Variants in CSF3R observed in about 807,000 individuals in gnomAD.
The protein encoded by CSF3R is granulocyte colony-stimulating factor receptor.
Under a neutral mutation model 84.4 loss-of-function variants are expected in CSF3R, and 52 were observed. The observed-to-expected ratio is 0.62, with a 90% CI of 0.49 to 0.78. The LOEUF is 0.78. Ranked by LOEUF, CSF3R falls within the 30% of genes least tolerant of loss-of-function variation. The pLI is 0.00. For synonymous variants in CSF3R, 384 were observed against 429.1 expected (o/e 0.89, Z 1.30); for missense variants, 890 against 1,055.7 (o/e 0.84, Z 2.17).
At chr1:36,478,412 C>T (rs972845051) in intron 3 of CSF3R, among the ~76,000 whole-genome samples, 2 of 151,742 alleles carry the variant, frequency 1.3e-5, no homozygotes, top group Admixed American at 1.3e-4. Flanking sequence ...GCCTGTAATC[C>T]CAGCTATTCG....
Position 36,471,540 on chromosome 1 carries a change from A to T in CSF3R, c.1178T>A (p.Leu393His). 1 of 1,614,230 alleles carries T rather than the reference A, an allele frequency of 6.2e-7. No homozygotes were observed. The highest frequency in any genetic ancestry group is 8.5e-7 in the Non-Finnish European group (1 of 1,180,042). ...AILPLCNTTE[L>H]SCTFHLPSEA... Reference sequence around the variant, plus strand: ...TGAAGGCAGGTGGAAGGTGCAGCTGAGCTCTGTGGTGTTGCAGAGGGGCAG... The same window carrying T: ...TGAAGGCAGGTGGAAGGTGCAGCTGTGCTCTGTGGTGTTGCAGAGGGGCAG... The change falls in exon 10 of 17, where the codon CTC (leucine) becomes CAC (histidine). Residue 393 changes from leucine to histidine, a missense_variant. Physicochemically the swap from Leu to His is moderately conservative, Grantham distance 99. Coordinates refer to ENST00000373106, the MANE Select transcript of CSF3R (RefSeq NM_000760.4).
chr1:36,472,785 C>T lies in CSF3R; in HGVS notation c.674-99G>A. On this transcript the variant is annotated intron_variant, in intron 6 of 16. Transcript: ENST00000373106. The surrounding 1 kb of genome is among the most constrained non-coding windows in gnomAD (Gnocchi z 5.0). ...CCCTGTCTGTGGTTCACCATCTGTC[C>T]ACGTTGCCAATGACACGTTTCTGTG... The T allele has an allele frequency of 7.3e-7, 1 of 1,371,746 alleles. No homozygotes were observed. The highest frequency in any genetic ancestry group is 2.9e-5 in the Admixed American group (1 of 35,082). 85.0% of individuals were successfully genotyped at this position (1,371,746 alleles called of 1,614,324 possible).
intron 2 of CSF3R, among the ~76,000 whole-genome samples, chr1:36,481,263 A>G (rs3917918): frequency 0.021 from 3,209 of 152,166 alleles, 102 homozygotes; most frequent in African/African-American, 0.072. Context: ...TAACCCCAAG[A>G]GGCCCCGGCA....
In CSF3R at chr1:36,473,579, A is replaced by C. The variant is rs774533177; in HGVS notation, c.529T>G (p.Cys177Gly). 1 of 1,614,170 alleles carries C rather than the reference A, an allele frequency of 6.2e-7. No homozygotes were observed. The highest frequency in any genetic ancestry group is 8.5e-7 in the Non-Finnish European group (1 of 1,180,052). ...CQTQGDSILD[C>G]VPKDGQSHCC... ...TGGCTCTGCCCGTCCTTGGGCACGC[A>C]GTCCAGGATGGAGTCCCCTTGGGTC... Residue 177 changes from cysteine (C) to glycine (G), a missense_variant, in exon 6 of 17, where the codon TGC becomes GGC. Cys to Gly is a radical substitution (Grantham distance 159, BLOSUM62 -3). Coordinates refer to ENST00000373106, the MANE Select transcript of CSF3R (RefSeq NM_000760.4).
chr1:36,481,639 G>C (rs1354590691), intron 1 of CSF3R, 102 bp from the exon 2 acceptor site: 1 of 152,310 alleles, frequency 6.6e-6, no homozygotes, highest in Non-Finnish European at 1.5e-5. Flanking sequence ...CTTGCATGGA[G>C]TTGGCACTCA....
At position 36,473,255 on chromosome 1, in the gene CSF3R, G is replaced by C; in HGVS notation, c.673+180C>G. ...GCCTCTGTGTCTCTTCCTGTCTCTG[G>C]GTCTGTGTCCCCATTTCTCTGTCTC... On this transcript the variant is annotated intron_variant, in intron 6 of 16. Coordinates refer to ENST00000373106, the MANE Select transcript of CSF3R (RefSeq NM_000760.4). 3 of 661,440 alleles carry C rather than the reference G, an allele frequency of 4.5e-6. No homozygotes were observed. In the South Asian group the frequency reaches 5.7e-5, roughly 13 times the overall value. 41.0% of individuals were successfully genotyped at this position (661,440 alleles called of 1,614,324 possible).
chr1:36,481,821 T>G (rs1440087545), intron 1 of CSF3R: 1 of 152,850 alleles, frequency 6.5e-6, no homozygotes, highest in Non-Finnish European at 1.5e-5. Context: ...CAAAGCCCCC[T>G]TTCTGGATCC....
intron 4 of CSF3R, among the ~76,000 whole-genome samples, chr1:36,474,313 C>G (rs1413249725): frequency 6.6e-6 from 1 of 151,824 alleles, no homozygotes; most frequent in East Asian, 1.9e-4. Context: ...AAATGACTCA[C>G]TCTACATGAA....
Position 36,466,058 on chromosome 1 carries a change from C to A in CSF3R, c.*299G>T. Reference sequence around the variant, plus strand: ...GAGACTCAGGTACACCCAAGAGTGTCTATAAACAACAACAAAAACTGCAAA... The same window carrying A: ...GAGACTCAGGTACACCCAAGAGTGTATATAAACAACAACAAAAACTGCAAA... On this transcript the variant is annotated 3_prime_UTR_variant, in exon 17 of 17. Transcript: ENST00000373106. This position sits in a 1 kb window ranked among gnomAD's most constrained non-coding sequence, Gnocchi z 4.6. The A allele has an allele frequency of 6.2e-7, 1 of 1,613,802 alleles. No individual in the cohort carries two copies. The highest frequency in any genetic ancestry group is 1.6e-4 in the Middle Eastern group (1 of 6,062).
At chr1:36,478,952 T>C in intron 3 of CSF3R, 1 of 269,522 alleles carries the variant, frequency 3.7e-6, no homozygotes, top group South Asian at 4.1e-5. Context: ...TGCCAACCCC[T>C]GCTGCACAGC....
intron 3 of CSF3R, chr1:36,475,936 G>A: frequency 2.3e-6 from 1 of 437,842 alleles, no homozygotes; most frequent in Non-Finnish European, 4.1e-6. Context: ...CCTTTCCGCG[G>A]TGTAAGTGCT....
Position 36,472,215 on chromosome 1 carries a change from C to T in CSF3R, c.997+23G>A. The T allele has an allele frequency of 6.2e-7, 1 of 1,614,114 alleles. No individual in the cohort carries two copies. The highest frequency in any genetic ancestry group is 8.5e-7 in the Non-Finnish European group (1 of 1,180,004). ...CTGGACTGGATACTGTTGGCTGCTCCCAGCCTCTCATCACCTCCTTACCCC... is the reference window on the plus strand; with the variant it reads ...CTGGACTGGATACTGTTGGCTGCTCTCAGCCTCTCATCACCTCCTTACCCC... On this transcript the variant is annotated intron_variant, in intron 8 of 16. Coordinates refer to ENST00000373106, the MANE Select transcript of CSF3R (RefSeq NM_000760.4). This position sits in a 1 kb window ranked among gnomAD's most constrained non-coding sequence, Gnocchi z 5.0.
intron 3 of CSF3R, among the ~76,000 whole-genome samples, chr1:36,478,016 C>A (rs1018821618): frequency 1.3e-5 from 2 of 152,014 alleles, no homozygotes; most frequent in African/African-American, 4.8e-5. Context: ...CCTAGGCCTC[C>A]CAAAGTGCTG....
At chr1:36,470,431 C>T (rs1213021651) in intron 10 of CSF3R, among the ~76,000 whole-genome samples, 6 of 152,090 alleles carry the variant, frequency 3.9e-5, no homozygotes, top group African/African-American at 1.2e-4. Context: ...ATGATCCGCC[C>T]GCCTCAGCCT....
intron 3 of CSF3R, chr1:36,479,133 G>C (rs977987397): frequency 1.6e-4 from 73 of 458,168 alleles, no homozygotes; most frequent in African/African-American, 8.9e-4. Context: ...GCCCACCAAG[G>C]CTGCATAGGA....
At chr1:36,473,978 G>C (rs1442527207) in intron 4 of CSF3R, 91 bp from the exon 5 acceptor site, 4 of 1,586,858 alleles carry the variant, frequency 2.5e-6, no homozygotes, top group Non-Finnish European at 3.5e-6. Flanking sequence ...CCTTGCCCTG[G>C]CTTGGTTCCT....
intron 4 of CSF3R, 91 bp downstream of exon 4, chr1:36,475,286 C>T (rs541778787): frequency 2.9e-5 from 44 of 1,505,616 alleles, no homozygotes; most frequent in East Asian, 6.8e-5. Context: ...GGAATACAGG[C>T]GTGAGCCAAC....
rs781175282 is a variant in CSF3R, at chr1:36,467,315, G to C, written c.1959-4C>G. 6.2e-7 allele frequency: 1 copy of C among 1,614,138 alleles called. No individual in the cohort carries two copies. The highest frequency in any genetic ancestry group is 1.7e-5 in the Admixed American group (1 of 60,028). On this transcript the variant is annotated splice_region_variant and splice_polypyrimidine_tract_variant and intron_variant, in intron 15 of 16. Transcript: ENST00000373106. This position sits in a 1 kb window ranked among gnomAD's most constrained non-coding sequence, Gnocchi z 4.1. ...TGGCCAGAGGGGATTCTTCCTGCTG[G>C]AGAAGGGGGCAGGTGGAGGCTGAGT...
rs750132507 is a variant in CSF3R at position 36,475,426 on chromosome 1, G to A, written c.312C>T (p.Asn104=). The change falls in exon 4 of 17, where the codon AAC becomes AAT. Residue 104 remains asparagine (N), a synonymous_variant. Transcript: ENST00000373106. Reference sequence around the variant, plus strand: ...CCAGGATCTGCAGGCTGTTGCCCCAGTTCAGGCAGCAGGAGAGAAAGGCCT... The same window carrying A: ...CCAGGATCTGCAGGCTGTTGCCCCAATTCAGGCAGCAGGAGAGAAAGGCCT... ...HTQAFLSCCL[N]WGNSLQILDQ... is the part of the protein sequence containing the mutation. 1 of 1,614,194 alleles carries A rather than the reference G, an allele frequency of 6.2e-7. No individual in the cohort carries two copies. Among genetic ancestry groups the A allele is most frequent in the South Asian group, 1.1e-5 (1 of 91,082 alleles).
Sources: allele counts gnomAD v4.1 joint callset (sites outside exome capture counted in the v4.1 genomes callset), GRCh38; gene constraint gnomAD v4.1.1; non-coding constraint Gnocchi (gnomAD v3.1); transcripts MANE v1.5; gene names NCBI Gene and HGNC (gene_info 2026-07-23, HGNC 2026-07-21).